Variants in FRAS1 observed in about 807,000 individuals in gnomAD.
The protein encoded by FRAS1 is extracellular matrix organizing protein FRAS1.
Under a neutral mutation model 435.2 loss-of-function variants are expected in FRAS1, and 290 were observed. The ratio of observed to expected loss-of-function variants is 0.67; its 90% CI spans 0.61 to 0.73. The LOEUF (loss-of-function observed/expected upper bound fraction) is 0.73, where lower values mean the gene tolerates loss of function less well. Ranked by LOEUF, FRAS1 falls within the 30% of genes least tolerant of loss-of-function variation. The pLI is 0.00. For synonymous variants in FRAS1, 1,800 were observed against 1,851.0 expected (o/e 0.97, Z 0.71); for missense variants, 4,860 against 5,001.5 (o/e 0.97, Z 0.85).
intron 29 of FRAS1, among the ~76,000 whole-genome samples, chr4:78,394,109 T>A (rs546028041): frequency 6.6e-6 from 1 of 152,128 alleles, no homozygotes; most frequent in Admixed American, 6.5e-5. Flanking sequence ...ATTGTGAATA[T>A]TAACCTCTTA....
At chr4:78,228,574 G>T (rs1035989254) in intron 2 of FRAS1, among the ~76,000 whole-genome samples, 1 of 152,172 alleles carries the variant, frequency 6.6e-6, no homozygotes, top group African/African-American at 2.4e-5. Context: ...TTTTGTGTGT[G>T]TATGTGTGTG....
chr4:78,272,347 T>G (rs970754270), intron 9 of FRAS1, among the ~76,000 whole-genome samples: 61 of 152,370 alleles, frequency 4.0e-4, no homozygotes, highest in African/African-American at 1.3e-3. Flanking sequence ...TGGCTTTTGT[T>G]GCCATTGCTT....
intron 2 of FRAS1, among the ~76,000 whole-genome samples, chr4:78,208,776 A>G (rs115690243): frequency 0.015 from 2,274 of 152,234 alleles, 46 homozygotes; most frequent in African/African-American, 0.051. Flanking sequence ...GCTTATTGTA[A>G]TAAGTATTCA....
intron 6 of FRAS1, among the ~76,000 whole-genome samples, chr4:78,260,904 A>G (rs1029792182): frequency 5.9e-5 from 9 of 152,006 alleles, no homozygotes; most frequent in African/African-American, 2.2e-4. Context: ...CTTTTTATAT[A>G]TTTTTGTCTG....
intron 2 of FRAS1, among the ~76,000 whole-genome samples, chr4:78,186,578 T>C: frequency 6.6e-6 from 1 of 152,322 alleles, no homozygotes; most frequent in East Asian, 1.9e-4. Flanking sequence ...TACTGGTTTT[T>C]TTCATGTAAA....
intron 2 of FRAS1, among the ~76,000 whole-genome samples, chr4:78,193,120 G>A (rs1053718853): frequency 3.3e-5 from 5 of 152,204 alleles, no homozygotes; most frequent in African/African-American, 1.2e-4. Context: ...TAGTTTGATT[G>A]CACTGTGGTC....
intron 15 of FRAS1, among the ~76,000 whole-genome samples, chr4:78,312,785 T>A (rs1729077431): frequency 6.6e-6 from 1 of 151,404 alleles, no homozygotes; most frequent in Non-Finnish European, 1.5e-5. Context: ...TGAGCCATGA[T>A]CGTGCTGCTG....
At chr4:78,381,171 C>T (rs1047244359) in intron 27 of FRAS1, among the ~76,000 whole-genome samples, 1 of 152,204 alleles carries the variant, frequency 6.6e-6, no homozygotes, top group Non-Finnish European at 1.5e-5. Context: ...AATAGGCATG[C>T]TTCCATCCTC....
At chr4:78,288,111 A>C (rs2110189701) in intron 14 of FRAS1, among the ~76,000 whole-genome samples, 1 of 152,350 alleles carries the variant, frequency 6.6e-6, no homozygotes, top group Non-Finnish European at 1.5e-5. Context: ...ATAAAACAGA[A>C]AAGAACCCTT....
chr4:78,275,336 T>G (rs553102637), intron 9 of FRAS1, among the ~76,000 whole-genome samples: 12 of 152,238 alleles, frequency 7.9e-5, no homozygotes, highest in Non-Finnish European at 1.5e-4. Flanking sequence ...TATTGTTATG[T>G]GTGAATTTGA....
intron 2 of FRAS1, among the ~76,000 whole-genome samples, chr4:78,154,891 G>A (rs1405022627): frequency 6.6e-6 from 1 of 152,124 alleles, no homozygotes; most frequent in Non-Finnish European, 1.5e-5. Flanking sequence ...TTTTGTCTCT[G>A]GACCTTCTCC....
intron 9 of FRAS1, among the ~76,000 whole-genome samples, chr4:78,275,545 A>G (rs1203978705): frequency 1.3e-5 from 2 of 152,142 alleles, no homozygotes; most frequent in Non-Finnish European, 2.9e-5. Flanking sequence ...GCTTGTCTCT[A>G]AAGGATTTTA....
At chr4:78,470,171 A>G in intron 51 of FRAS1, 80 bp downstream of exon 51, 1 of 866,340 alleles carries the variant, frequency 1.2e-6, no homozygotes, top group South Asian at 1.6e-5. Context: ...TATGAATAGA[A>G]GTCCAGTTCA....
intron 14 of FRAS1, among the ~76,000 whole-genome samples, chr4:78,287,170 GAT>G (rs200735407): frequency 1.3e-5 from 2 of 151,938 alleles, no homozygotes; most frequent in African/African-American, 4.8e-5. Flanking sequence ...GAGAGAGAGA[GAT>G]AATGAAGGGG....
intron 15 of FRAS1, among the ~76,000 whole-genome samples, chr4:78,308,740 C>T (rs1488103603): frequency 2.0e-5 from 3 of 152,228 alleles, no homozygotes; most frequent in Non-Finnish European, 4.4e-5. Flanking sequence ...AGGCACGGTT[C>T]CAAGTGCTTT....
At chr4:78,535,544 A>G (rs1209106839) in intron 71 of FRAS1, among the ~76,000 whole-genome samples, 1 of 152,064 alleles carries the variant, frequency 6.6e-6, no homozygotes, top group South Asian at 2.1e-4. Flanking sequence ...ATGTGCCCCA[A>G]CCAAAAATCT....
intron 31 of FRAS1, among the ~76,000 whole-genome samples, chr4:78,408,364 AT>A (rs1733187262): frequency 6.6e-6 from 1 of 152,134 alleles, no homozygotes; most frequent in Non-Finnish European, 1.5e-5. Flanking sequence ...AGTTTTTTTA[AT>A]TTGTCAGTTC....
intron 47 of FRAS1, among the ~76,000 whole-genome samples, chr4:78,463,591 G>A (rs751410742): frequency 3.3e-5 from 5 of 152,306 alleles, no homozygotes; most frequent in African/African-American, 7.2e-5. Flanking sequence ...GCCCTGTAAC[G>A]TTAGTTTAAA....
Position 78,387,596 on chromosome 4 carries a change from C to G in FRAS1, c.3870C>G (p.His1290Gln). Residue 1290 changes from histidine (H) to glutamine (Q), a missense_variant, in exon 29 of 74, where the codon CAC (histidine) becomes CAG (glutamine). His to Gln is a conservative substitution (Grantham distance 24). Coordinates refer to ENST00000512123, the MANE Select transcript of FRAS1 (RefSeq NM_025074.7). ...QLDELSRGLL[H>Q]YAHDGSDSTS... Reference sequence around the variant, plus strand: ...ATGAACTCTCTAGAGGCCTTCTCCACTATGCTCATGATGGTTCAGACAGCA... The same window carrying G: ...ATGAACTCTCTAGAGGCCTTCTCCAGTATGCTCATGATGGTTCAGACAGCA... The G allele has an allele frequency of 6.2e-7, 1 of 1,613,730 alleles. No individual in the cohort carries two copies. The highest frequency in any genetic ancestry group is 8.5e-7 in the Non-Finnish European group (1 of 1,179,716).
Sources: gnomAD v4.1 joint callset for allele counts (sites outside exome capture counted in the v4.1 genomes callset) on GRCh38, gnomAD v4.1.1 for gene constraint, MANE v1.5 for transcripts, NCBI Gene and HGNC (gene_info 2026-07-23, HGNC 2026-07-21) for gene names.